LINGO1: variants seen among roughly 807,000 people sequenced by gnomAD.
The protein encoded by LINGO1 is leucine rich repeat and Ig domain containing 1.
In LINGO1, 11 loss-of-function variants were observed where a neutral mutation model predicts 37.3. The observed-to-expected ratio is 0.29, with a 90% CI of 0.19 to 0.49. LINGO1 has a LOEUF of 0.49. Ranked by LOEUF, LINGO1 falls within the 20% of genes least tolerant of loss-of-function variation. The pLI, the probability that LINGO1 is intolerant of heterozygous loss-of-function variation, is 0.99. For missense variants in LINGO1, 585 were observed against 878.2 expected, an observed-to-expected ratio of 0.67 and a Z score of 4.22; for synonymous variants, 387 against 403.0, an observed-to-expected ratio of 0.96 and a Z score of 0.48.
At position 77,766,404 on chromosome 15, in the gene LINGO1, C is replaced by CA. The variant is rs1297711588; in HGVS notation, c.-257+20464dup. Among the ~76,000 whole-genome samples, 424 of 147,924 alleles carry CA rather than the reference C, an allele frequency of 2.9e-3. 3 individuals carry two copies. Among genetic ancestry groups the CA allele is most frequent in the African/African-American group, 9.4e-3 (378 of 40,308 alleles). ...AAAAAAAAAAACCTATCATTTTCCG[C>CA]AAAAAAAACTCAAAATATGGTATCC... On this transcript the variant is annotated intron_variant, in intron 1 of 3. Coordinates refer to the LINGO1 transcript ENST00000561686.
At chr15:77,767,090 A>G (rs372347330) in intron 1 of LINGO1, among the ~76,000 whole-genome samples, 21 of 152,324 alleles carry the variant, frequency 1.4e-4, no homozygotes, top group African/African-American at 5.1e-4. Context: ...AGCAATTCAA[A>G]AACTTTTCCA....
At position 77,801,229 on chromosome 15, in the gene LINGO1, T is replaced by C. The variant is rs532195944; in HGVS notation, c.-457-5176A>G. Among the ~76,000 whole-genome samples the C allele has an allele frequency of 2.6e-5, 4 of 152,304 alleles. No individual in the cohort carries two copies. The South Asian group carries it at 8.3e-4, about 32-fold the overall frequency. ...ATGCTCAAGGATGCTCACGGAAACA[T>C]TGCTGGTAAGACCGAAAAAGAAATT... On this transcript the variant is annotated intron_variant, in intron 1 of 5. Coordinates refer to the LINGO1 transcript ENST00000562933.
chr15:77,819,547 C>G (rs1341086014), intron 1 of LINGO1: 2 of 148,644 alleles, frequency 1.3e-5, no homozygotes, highest in South Asian at 4.4e-4. Flanking sequence ...CTCTACCGCG[C>G]GCCCCCACTG....
chr15:77,613,862 T>C lies in LINGO1; in HGVS notation c.*182A>G, dbSNP rs3144. On this transcript the variant is annotated 3_prime_UTR_variant, in exon 2 of 2. Transcript: ENST00000355300. ...CCCCAGGTCTGGGCTTCTGAGGTCC[T>C]GGTAGAAGGAGGGCAGGTGGTGAGG... 193,331 of 613,578 alleles carry C rather than the reference T, an allele frequency of 0.32. 31,389 individuals are homozygous for C. Among genetic ancestry groups the C allele is most frequent in the Admixed American group, 0.35 (11,495 of 33,304 alleles). The allele number at this position is 613,578 out of a possible 1,614,324, so 38.0% of individuals were successfully genotyped here. A position where few individuals can be genotyped will look rare whatever the true frequency, so the allele number is the denominator to read the frequency against.
chr15:77,631,509 GC>G (rs2074252684), intron 1 of LINGO1, among the ~76,000 whole-genome samples: 1 of 152,170 alleles, frequency 6.6e-6, no homozygotes, highest in African/African-American at 2.4e-5. Flanking sequence ...AGTGGGATCC[GC>G]CCGGAGGGTC....
intron 2 of LINGO1, among the ~76,000 whole-genome samples, chr15:77,701,919 A>G (rs1161996868): frequency 2.0e-5 from 3 of 152,170 alleles, no homozygotes; most frequent in Non-Finnish European, 2.9e-5. Context: ...AAACGGACTA[A>G]GAGAGCTTGC....
At chr15:77,761,416 C>G (rs1167967445) in intron 1 of LINGO1, among the ~76,000 whole-genome samples, 1 of 152,210 alleles carries the variant, frequency 6.6e-6, no homozygotes, top group African/African-American at 2.4e-5. Context: ...TCCTCACAGT[C>G]TTGCTGATGG....
upstream of LINGO1, among the ~76,000 whole-genome samples, chr15:77,699,036 C>A (rs1299403641): frequency 6.6e-6 from 1 of 152,054 alleles, no homozygotes; most frequent in Non-Finnish European, 1.5e-5. Flanking sequence ...AGGGATGTGT[C>A]AGGAAAGGCC....
intron 2 of LINGO1, among the ~76,000 whole-genome samples, chr15:77,724,034 G>A (rs537568507): frequency 2.9e-4 from 44 of 152,306 alleles, no homozygotes; most frequent in Middle Eastern, 6.8e-3. Flanking sequence ...CCGGGCGTGC[G>A]TGTCTGAGCT....
chr15:77,630,321 T>C (rs1490802374), intron 1 of LINGO1, among the ~76,000 whole-genome samples: 2 of 152,142 alleles, frequency 1.3e-5, no homozygotes, highest in Admixed American at 1.3e-4. Flanking sequence ...TCTCCAGATA[T>C]CTGCGGCTGA....
chr15:77,819,872 G>C (rs2077083926), intron 1 of LINGO1, among the ~76,000 whole-genome samples: 2 of 149,382 alleles, frequency 1.3e-5, no homozygotes. Context: ...CCTCCGCGGC[G>C]CCGCCGCCCT....
At chr15:77,644,121 C>T (rs761256988) in intron 3 of LINGO1, among the ~76,000 whole-genome samples, 38 of 152,344 alleles carry the variant, frequency 2.5e-4, no homozygotes, top group Non-Finnish European at 2.1e-4. Flanking sequence ...AATGTATCTA[C>T]GCTGGGGAGT....
At chr15:77,795,454 C>T (rs879518299) in intron 2 of LINGO1, among the ~76,000 whole-genome samples, 6 of 152,170 alleles carry the variant, frequency 3.9e-5, no homozygotes, top group Non-Finnish European at 5.9e-5. Flanking sequence ...GGGGTCTGAG[C>T]CTTATCCTGC....
intron 1 of LINGO1, among the ~76,000 whole-genome samples, chr15:77,760,330 C>A (rs934410065): frequency 1.3e-5 from 2 of 152,214 alleles, no homozygotes; most frequent in Admixed American, 1.3e-4. Context: ...CGTCCCCCAG[C>A]CCCACCAGGC....
intron 1 of LINGO1, among the ~76,000 whole-genome samples, chr15:77,751,058 T>G (rs544659252): frequency 7.2e-5 from 11 of 152,242 alleles, no homozygotes; most frequent in African/African-American, 2.2e-4. Context: ...GGCCTGAGTA[T>G]GTACCATCTC....
chr15:77,675,652 G>A (rs2075314795), intron 3 of LINGO1, among the ~76,000 whole-genome samples: 2 of 152,164 alleles, frequency 1.3e-5, no homozygotes, highest in South Asian at 2.1e-4. Context: ...TACAGAAGGG[G>A]CTTGAACCGC....
chr15:77,719,491 G>T (rs2076023639), intron 2 of LINGO1, among the ~76,000 whole-genome samples: 1 of 149,894 alleles, frequency 6.7e-6, no homozygotes, highest in African/African-American at 2.4e-5. Context: ...GGCTGGCATG[G>T]ACATGAGGAC....
chr15:77,743,716 CA>C (rs543394840), intron 1 of LINGO1, among the ~76,000 whole-genome samples: 18 of 152,008 alleles, frequency 1.2e-4, no homozygotes, highest in African/African-American at 3.6e-4. Flanking sequence ...GGGGAGAACC[CA>C]GGGGCGCAGG....
chr15:77,683,091 C>G (rs1262589644), intron 2 of LINGO1, among the ~76,000 whole-genome samples: 2 of 152,172 alleles, frequency 1.3e-5, no homozygotes, highest in South Asian at 2.1e-4. Context: ...AGTCCATTCA[C>G]AGAGGAAGAA....
Sources: gnomAD v4.1 joint callset for allele counts (sites outside exome capture counted in the v4.1 genomes callset) on GRCh38, gnomAD v4.1.1 for gene constraint, MANE v1.5 for transcripts, NCBI Gene and HGNC (gene_info 2026-07-23, HGNC 2026-07-21) for gene names.